The following CLNK variants were observed in gnomAD, a reference collection of about 807,000 sequenced individuals.
CLNK encodes cytokine-dependent hematopoietic cell linker.
A neutral mutation model predicts 68.6 loss-of-function variants in CLNK; 74 were observed. The observed-to-expected ratio is 1.08, with a 90% CI of 0.89 to 1.31. The LOEUF (loss-of-function observed/expected upper bound fraction) is 1.31. Among genes scored for constraint, CLNK ranks in the 50% most tolerant of loss-of-function variants. The pLI is 0.00. For missense variants in CLNK, 553 were observed against 515.3 expected, an observed-to-expected ratio of 1.07 and a Z score of -0.71; for synonymous variants, 198 against 172.2, an observed-to-expected ratio of 1.15 and a Z score of -1.17.
chr4:10,555,778 A>T (rs1053751178), intron 8 of CLNK, among the ~76,000 whole-genome samples: 2 of 152,224 alleles, frequency 1.3e-5, no homozygotes, highest in Non-Finnish European at 2.9e-5. Context: ...TGCATCAAAA[A>T]TACAGAATTT....
chr4:10,670,475 T>C (rs1000181252), intron 1 of CLNK, among the ~76,000 whole-genome samples: 2 of 152,240 alleles, frequency 1.3e-5, no homozygotes, highest in Non-Finnish European at 2.9e-5. Context: ...GGCCAGTTCT[T>C]GTGTACAGAG....
At chr4:10,574,791 A>G (rs1432183520) in intron 4 of CLNK, among the ~76,000 whole-genome samples, 2 of 152,226 alleles carry the variant, frequency 1.3e-5, no homozygotes, top group Non-Finnish European at 2.9e-5. Flanking sequence ...TGTTATCTAT[A>G]GATTCCAGAC....
chr4:10,697,281 G>C, the CLNK span: 1 of 152,168 alleles, frequency 6.6e-6, no homozygotes, highest in Admixed American at 6.6e-5. Context: ...TACCTATGAG[G>C]AATTCCTGAG....
chr4:10,587,469 C>T (rs1560229777), intron 3 of CLNK, among the ~76,000 whole-genome samples: 1 of 152,214 alleles, frequency 6.6e-6, no homozygotes, highest in Non-Finnish European at 1.5e-5. Flanking sequence ...CTCCAAGGCA[C>T]TCAACGTGCG....
At chr4:10,698,478 A>G in the CLNK span, among the ~76,000 whole-genome samples, 1 of 152,230 alleles carries the variant, frequency 6.6e-6, no homozygotes, top group African/African-American at 2.4e-5. Context: ...GACAATATAT[A>G]TAAAACAGGT....
intron 3 of CLNK, among the ~76,000 whole-genome samples, chr4:10,594,858 G>A (rs1721326341): frequency 6.6e-6 from 1 of 152,202 alleles, no homozygotes; most frequent in African/African-American, 2.4e-5. Flanking sequence ...ACTTTGGGAG[G>A]CCAAGGCGGG....
intron 11 of CLNK, among the ~76,000 whole-genome samples, chr4:10,538,917 T>C (rs1386325820): frequency 6.6e-6 from 1 of 152,184 alleles, no homozygotes; most frequent in Non-Finnish European, 1.5e-5. Context: ...TGGTTAAAAA[T>C]AGGTTGGTAA....
chr4:10,694,000 G>A, the CLNK span, among the ~76,000 whole-genome samples: 1 of 151,926 alleles, frequency 6.6e-6, no homozygotes, highest in Non-Finnish European at 1.5e-5. Flanking sequence ...AATATTCTAG[G>A]CTTTTCAACA....
the CLNK span, among the ~76,000 whole-genome samples, chr4:10,703,595 TTAA>T: frequency 6.6e-6 from 1 of 152,174 alleles, no homozygotes; most frequent in East Asian, 1.9e-4. Flanking sequence ...CATGTGTCAC[TTAA>T]TAAGGGGGAT....
At chr4:10,696,410 C>T in the CLNK span, among the ~76,000 whole-genome samples, 9 of 152,232 alleles carry the variant, frequency 5.9e-5, no homozygotes, top group Non-Finnish European at 1.2e-4. Flanking sequence ...CTTCCTGCTG[C>T]AGCACTGAGC....
At chr4:10,708,165 A>G in the CLNK span, among the ~76,000 whole-genome samples, 1 of 152,210 alleles carries the variant, frequency 6.6e-6, no homozygotes, top group African/African-American at 2.4e-5. Context: ...ACTGGGCTCA[A>G]ATCCCATCTA....
chr4:10,552,912 T>C (rs1719517199), intron 8 of CLNK, among the ~76,000 whole-genome samples: 2 of 152,182 alleles, frequency 1.3e-5, no homozygotes, highest in Non-Finnish European at 2.9e-5. Flanking sequence ...CAGCTTTTAC[T>C]ATACCAATTT....
At chr4:10,511,380 AT>A (rs908234711) in intron 16 of CLNK, among the ~76,000 whole-genome samples, 4 of 152,178 alleles carry the variant, frequency 2.6e-5, no homozygotes, top group Non-Finnish European at 5.9e-5. Flanking sequence ...AAGATTTACC[AT>A]TTTAACCATT....
chr4:10,523,959 A>G (rs1718190906), intron 14 of CLNK: 2 of 390,606 alleles, frequency 5.1e-6, no homozygotes, highest in South Asian at 1.9e-5. Context: ...CGGGAGGTCA[A>G]GGCTGCATTG....
At chr4:10,606,764 G>C (rs1404060469) in intron 2 of CLNK, among the ~76,000 whole-genome samples, 5 of 152,186 alleles carry the variant, frequency 3.3e-5, no homozygotes, top group Middle Eastern at 3.4e-3. Context: ...GTGCATGACT[G>C]TATCTATATA....
intron 4 of CLNK, among the ~76,000 whole-genome samples, chr4:10,572,032 T>C (rs1720373999): frequency 6.6e-6 from 1 of 152,230 alleles, no homozygotes; most frequent in Non-Finnish European, 1.5e-5. Context: ...TAAGAAACTT[T>C]ATCTCTACTG....
intron 2 of CLNK, among the ~76,000 whole-genome samples, chr4:10,661,363 T>C (rs1301276861): frequency 6.6e-6 from 1 of 152,224 alleles, no homozygotes; most frequent in Non-Finnish European, 1.5e-5. Flanking sequence ...ATGCCTCTAA[T>C]GGGCAAAACA....
chr4:10,522,483 A>G (rs1285478158), intron 14 of CLNK, among the ~76,000 whole-genome samples: 2 of 148,218 alleles, frequency 1.3e-5, no homozygotes, highest in African/African-American at 5.0e-5. Context: ...CTGAGGCGGG[A>G]GAATTGCTTA....
the CLNK span, among the ~76,000 whole-genome samples, chr4:10,713,481 G>C: frequency 6.6e-6 from 1 of 152,130 alleles, no homozygotes; most frequent in African/African-American, 2.4e-5. Flanking sequence ...GAAGGTGCAG[G>C]GGAAGATGAG....
Sources: gnomAD v4.1 joint callset for allele counts (sites outside exome capture counted in the v4.1 genomes callset) on GRCh38, gnomAD v4.1.1 for gene constraint, MANE v1.5 for transcripts, NCBI Gene and HGNC (gene_info 2026-07-23, HGNC 2026-07-21) for gene names.